The following ENOX2 variants were observed in gnomAD, a reference collection of about 807,000 sequenced individuals.
The protein encoded by ENOX2 is ecto-NOX disulfide-thiol exchanger 2, also known as APK1 antigen.
ENOX2 carries 36 observed loss-of-function variants against 45.0 expected under a neutral mutation model. The ratio of observed to expected loss-of-function variants is 0.80; its 90% CI spans 0.61 to 1.06. ENOX2 has a LOEUF of 1.06. Ranked by LOEUF, ENOX2 falls within the 50% of genes least tolerant of loss-of-function variation. ENOX2 has a pLI of 0.00. For synonymous variants in ENOX2, 174 were observed against 152.3 expected (o/e 1.14, Z -1.05); for missense variants, 423 against 462.5 (o/e 0.91, Z 0.78).
chrX:130,874,858 C>G (rs2078665546), intron 2 of ENOX2, among the ~76,000 whole-genome samples: 1 of 110,806 alleles, frequency 9.0e-6, no homozygotes, highest in Admixed American at 9.6e-5. Flanking sequence ...CATGCCCCCC[C>G]CGACACACAC....
intron 5 of ENOX2, 142 bp from the exon 6 acceptor site, chrX:130,679,890 T>C: frequency 2.2e-6 from 1 of 463,552 alleles, no homozygotes; most frequent in Non-Finnish European, 3.8e-6. Context: ...TGTTCATCTC[T>C]GCTCCACAGA....
At chrX:130,769,318 T>C (rs2148369218) in intron 3 of ENOX2, among the ~76,000 whole-genome samples, 1 of 111,411 alleles carries the variant, frequency 9.0e-6, no homozygotes, top group African/African-American at 3.3e-5. Flanking sequence ...TCAATTCCAT[T>C]TACATAACCT....
chrX:130,714,104 G>GA (rs1303559429), intron 3 of ENOX2, among the ~76,000 whole-genome samples: 1 of 111,547 alleles, frequency 9.0e-6, no homozygotes, highest in Admixed American at 9.5e-5. Context: ...AGTCTGGCAA[G>GA]ATCTCTTGGA....
At chrX:130,701,057 A>G (rs2037885435) in intron 4 of ENOX2, among the ~76,000 whole-genome samples, 1 of 112,232 alleles carries the variant, frequency 8.9e-6, no homozygotes, top group South Asian at 3.7e-4. Context: ...TCTCAATGCT[A>G]GGCCTTTCTT....
intron 2 of ENOX2, among the ~76,000 whole-genome samples, chrX:130,840,723 C>G (rs900441455): frequency 1.8e-5 from 2 of 109,703 alleles, no homozygotes; most frequent in Non-Finnish European, 3.8e-5. Flanking sequence ...AAAAATTAGT[C>G]AGGCTTGGCA....
At chrX:130,643,641 T>G (rs976627503) in intron 10 of ENOX2, among the ~76,000 whole-genome samples, 2 of 111,907 alleles carry the variant, frequency 1.8e-5, no homozygotes, top group Non-Finnish European at 3.8e-5. Flanking sequence ...CAAGAAGACA[T>G]ACCAATACTG....
At chrX:130,660,340 TAAG>T (rs1192526534) in intron 9 of ENOX2, among the ~76,000 whole-genome samples, 2 of 112,050 alleles carry the variant, frequency 1.8e-5, no homozygotes, top group African/African-American at 3.2e-5. Context: ...CTCCTAAAAA[TAAG>T]GAGTGAGGTT....
chrX:130,770,550 C>A (rs781733805), intron 3 of ENOX2, among the ~76,000 whole-genome samples: 1 of 110,738 alleles, frequency 9.0e-6, no homozygotes, highest in Non-Finnish European at 1.9e-5. Context: ...TAAAAAGAAC[C>A]CTTACAAGTC....
At chrX:130,728,174 C>T (rs991560485) in intron 3 of ENOX2, among the ~76,000 whole-genome samples, 1 of 111,183 alleles carries the variant, frequency 9.0e-6, no homozygotes, top group African/African-American at 3.3e-5. Flanking sequence ...GGCCCAGTTC[C>T]CACAGCACAC....
intron 3 of ENOX2, among the ~76,000 whole-genome samples, chrX:130,703,631 C>T (rs929687029): frequency 9.0e-6 from 1 of 111,018 alleles, no homozygotes; most frequent in Admixed American, 9.6e-5. Context: ...TCAGCAGCTT[C>T]CATCCAAACT....
chrX:130,668,373 C>T (rs1461396048), intron 7 of ENOX2, among the ~76,000 whole-genome samples: 1 of 111,828 alleles, frequency 8.9e-6, no homozygotes, highest in Non-Finnish European at 1.9e-5. Flanking sequence ...CAATCCACAG[C>T]CCCAGGCCTT....
intron 6 of ENOX2, among the ~76,000 whole-genome samples, chrX:130,677,545 G>A (rs748467662): frequency 1.3e-4 from 14 of 111,869 alleles, no homozygotes; most frequent in Non-Finnish European, 1.7e-4. Context: ...CAATGTGGCA[G>A]TATTAAGAGC....
intron 2 of ENOX2, among the ~76,000 whole-genome samples, chrX:130,784,952 T>C (rs2076946647): frequency 9.2e-6 from 1 of 108,830 alleles, no homozygotes; most frequent in African/African-American, 3.4e-5. Context: ...TGAGGTAATG[T>C]TGTAAATTGT....
chrX:130,730,428 T>C (rs1286786752), intron 3 of ENOX2, among the ~76,000 whole-genome samples: 2 of 112,375 alleles, frequency 1.8e-5, no homozygotes, highest in Non-Finnish European at 3.8e-5. Context: ...GATTGTAGAT[T>C]AGAGCACTAG....
rs768098230 is a variant in ENOX2 at position 130,708,296 on chromosome X, T to C, written c.-38-5042A>G. The stretch of plus-strand genomic sequence containing the variant: ...GTTATGGTAAACGATGAGGAAGTGG[T>C]CCCAGCCCTCGGGGGGTTCAAAGTC... On this transcript the variant is annotated intron_variant, in intron 3 of 14. Transcript: ENST00000394363. Among the ~76,000 whole-genome samples, 19 of 111,613 alleles carry C rather than the reference T, an allele frequency of 1.7e-4. No homozygotes were observed. In the East Asian group the frequency reaches 3.1e-3, roughly 18 times the overall value.
Position 130,848,509 on chromosome X carries a change from A to T in ENOX2, c.-183+53175T>A, listed in dbSNP as rs187382308. The stretch of plus-strand genomic sequence containing the variant: ...ATTAATAAGGTGCTAATAAGACAGA[A>T]GTAAAATCAACCCAAAGCAAAAATA... On this transcript the variant is annotated intron_variant, in intron 2 of 14. Transcript: ENST00000394363. Among the ~76,000 whole-genome samples the T allele has an allele frequency of 1.5e-3, 170 of 112,419 alleles. 1 individual carries two copies. The highest frequency in any genetic ancestry group is 2.8e-3 in the Non-Finnish European group (148 of 53,331).
At chrX:130,751,436 A>G (rs2039218392) in intron 3 of ENOX2, among the ~76,000 whole-genome samples, 1 of 112,126 alleles carries the variant, frequency 8.9e-6, no homozygotes, top group East Asian at 2.8e-4. Context: ...CTATTTGTTT[A>G]TTCATTCATC....
Position 130,768,775 on chromosome X carries a change from C to G in ENOX2, c.-39+14772G>C, listed in dbSNP as rs183004159. Among the ~76,000 whole-genome samples, 414 of 111,724 alleles carry G rather than the reference C, an allele frequency of 3.7e-3. 2 individuals are homozygous for G. Among genetic ancestry groups the G allele is most frequent in the Non-Finnish European group, 5.1e-3 (273 of 53,079 alleles). On this transcript the variant is annotated intron_variant, in intron 3 of 14. Transcript: ENST00000394363. ...ATCCTGGATGCAAAAGCAGCCTGAT[C>G]CTTTCAAAGAACAATTGTGAGAAAT...
At chrX:130,693,148 T>C in intron 4 of ENOX2, among the ~76,000 whole-genome samples, 1 of 112,202 alleles carries the variant, frequency 8.9e-6, no homozygotes, top group Non-Finnish European at 1.9e-5. Flanking sequence ...GTCATTTCTG[T>C]GCAGCTACCC....
Sources: allele counts gnomAD v4.1 joint callset (sites outside exome capture counted in the v4.1 genomes callset), GRCh38; gene constraint gnomAD v4.1.1; transcripts MANE v1.5; gene names NCBI Gene and HGNC (gene_info 2026-07-23, HGNC 2026-07-21).